Variants in GYS1 observed in about 807,000 individuals in gnomAD.
The protein encoded by GYS1 is glycogen [starch] synthase, muscle.
GYS1 carries 60 observed loss-of-function variants against 89.1 expected under a neutral mutation model. The ratio of observed to expected loss-of-function variants is 0.67; its 90% CI spans 0.55 to 0.84. GYS1 has a LOEUF of 0.84. GYS1 is among the 40% of genes least tolerant of loss of function. GYS1 has a pLI of 0.00. For missense variants in GYS1, 888 were observed against 1,003.1 expected, an observed-to-expected ratio of 0.89 and a Z score of 1.55; for synonymous variants, 366 against 401.7, an observed-to-expected ratio of 0.91 and a Z score of 1.06.
intron 5 of GYS1, 128 bp downstream of exon 5, chr19:48,985,333 A>T: frequency 1.1e-6 from 1 of 944,608 alleles, no homozygotes; most frequent in South Asian, 1.4e-5. Context: ...CACCATGCCC[A>T]GCCGAAATAC....
chr19:48,968,669 C>T lies in GYS1; in HGVS notation c.*619G>A, dbSNP rs1430836993. On this transcript the variant is annotated 3_prime_UTR_variant, in exon 16 of 16. Coordinates refer to ENST00000323798, the MANE Select transcript of GYS1 (RefSeq NM_002103.5). Reference sequence around the variant, plus strand: ...TGCTTGGCCAAAGTGTAGGGGATGACAGGAGCCGGATGGAGGGATCCTCCA... The same window carrying T: ...TGCTTGGCCAAAGTGTAGGGGATGATAGGAGCCGGATGGAGGGATCCTCCA... The T allele has an allele frequency of 2.2e-6, 1 of 454,002 alleles. No homozygotes were observed. Among genetic ancestry groups the T allele is most frequent in the Admixed American group, 2.4e-5 (1 of 42,548 alleles). 28.1% of individuals were successfully genotyped at this position (454,002 alleles called of 1,614,324 possible).
At chr19:48,989,998 T>TGGGGGGCG in intron 2 of GYS1, among the ~76,000 whole-genome samples, 1 of 49,646 alleles carries the variant, frequency 2.0e-5, no homozygotes, top group Non-Finnish European at 3.5e-5. Flanking sequence ...GCCCTTTTGC[T>TGGGGGGCG]GGGGGGGGGG....
intron 8 of GYS1, among the ~76,000 whole-genome samples, chr19:48,980,498 A>G (rs2038743144): frequency 6.6e-6 from 1 of 152,000 alleles, no homozygotes; most frequent in Non-Finnish European, 1.5e-5. Context: ...TGCTAAAAAT[A>G]TAAAAATTAG....
rs2038526450 is a variant in GYS1, at chr19:48,969,800, G to A, written c.1865C>T (p.Thr622Ile). ...ALSKAFPEHFTYEPNEADAAQ... is the reference protein window; with the variant it reads ...ALSKAFPEHFIYEPNEADAAQ... ...CGCATCCGCCTCGTTGGGCTCGTAG[G>A]TGAAGTGCTCTGGAAAGGCCTTGGA... Residue 622 changes from threonine to isoleucine, a missense_variant, in exon 15 of 16, where the codon ACC becomes ATC. Transcript: ENST00000323798. 6.2e-7 allele frequency: 1 copy of A among 1,614,042 alleles called. No individual in the cohort carries two copies. Among genetic ancestry groups the A allele is most frequent in the African/African-American group, 1.3e-5 (1 of 75,042 alleles).
chr19:48,987,253 C>A lies in GYS1; in HGVS notation c.433G>T (p.Asp145Tyr), dbSNP rs200057871. Reference protein sequence around the residue: ...DTCNIGVPWYDREANDAVLFG... With the variant: ...DTCNIGVPWYYREANDAVLFG... ...AGGACAGCGTCGTTGGCCTCGCGGT[C>A]GTACCACGGCACTCCGATGTTGCAG... The change falls in exon 3 of 16, where the codon GAC (aspartate) becomes TAC (tyrosine). Residue 145 changes from aspartate (D) to tyrosine (Y), a missense_variant. Coordinates refer to ENST00000323798, the MANE Select transcript of GYS1 (RefSeq NM_002103.5). 6.2e-7 allele frequency: 1 copy of A among 1,613,446 alleles called. No individual in the cohort carries two copies. Among genetic ancestry groups the A allele is most frequent in the Non-Finnish European group, 8.5e-7 (1 of 1,179,710 alleles).
rs535778563 is a variant in GYS1 at position 48,969,678 on chromosome 19, A to G, written c.1891-67T>C. On this transcript the variant is annotated intron_variant, in intron 15 of 15. Coordinates refer to ENST00000323798, the MANE Select transcript of GYS1 (RefSeq NM_002103.5). ...ACCTCACAGTCCCACCCAGGCATCC[A>G]GCCACCTCTAGGCCTTCCCACTCCA... The G allele has an allele frequency of 1.3e-5, 21 of 1,573,240 alleles. No homozygotes were observed. The Admixed American group carries it at 3.4e-4, about 25-fold the overall frequency.
Position 48,991,548 on chromosome 19 carries a change from G to A in GYS1, c.119-65C>T, listed in dbSNP as rs1411810565. 6.5e-7 allele frequency: 1 copy of A among 1,543,708 alleles called. No individual in the cohort carries two copies. Among genetic ancestry groups the A allele is most frequent in the Non-Finnish European group, 8.9e-7 (1 of 1,119,550 alleles). Reference sequence around the variant, plus strand: ...TCCATAGTTCTGGGGCCTGGGGTGGGGTGGGCCGGGGATGTAGGGGGCACT... The same window carrying A: ...TCCATAGTTCTGGGGCCTGGGGTGGAGTGGGCCGGGGATGTAGGGGGCACT... On this transcript the variant is annotated intron_variant, in intron 1 of 15. Transcript: ENST00000323798. This position sits in a 1 kb window ranked among gnomAD's most constrained non-coding sequence, Gnocchi z 4.7.
rs957644060 is a variant in GYS1 at position 48,969,840 on chromosome 19, G to A, written c.1825C>T (p.Arg609Cys). 3.7e-6 allele frequency: 6 copies of A among 1,613,396 alleles called. No individual in the cohort carries two copies. Among genetic ancestry groups the A allele is most frequent in the East Asian group, 2.2e-5 (1 of 44,884 alleles). ...KYLGRYYMSA[R>C]HMALSKAFPE... is the part of the protein sequence containing the mutation. ...AAGGCCTTGGACAGCGCCATGTGGC[G>A]CGCAGACATATAGTACTAGGGGAAA... Residue 609 changes from arginine to cysteine, a missense_variant, in exon 15 of 16, where the codon CGC (arginine) becomes TGC (cysteine). Arg to Cys is a radical substitution (Grantham distance 180). Coordinates refer to ENST00000323798, the MANE Select transcript of GYS1 (RefSeq NM_002103.5).
chr19:48,972,397 C>G (rs1282713924), intron 12 of GYS1, among the ~76,000 whole-genome samples: 1 of 151,814 alleles, frequency 6.6e-6, no homozygotes, highest in Non-Finnish European at 1.5e-5. Context: ...TGGTCTTGAA[C>G]TCCTGAGCTC....
intron 8 of GYS1, among the ~76,000 whole-genome samples, chr19:48,981,137 G>A (rs1209321699): frequency 4.9e-5 from 7 of 143,104 alleles, no homozygotes; most frequent in Non-Finnish European, 6.1e-5. Flanking sequence ...AAAGAGGGCC[G>A]GGTGCGGTGG....
At position 48,991,240 on chromosome 19, in the gene GYS1, TGGCTCCCACCCCGATGGCAG is replaced by T; in HGVS notation, c.300+42_300+61del. 1.9e-6 allele frequency: 3 copies of T among 1,560,232 alleles called. No individual in the cohort carries two copies. Among genetic ancestry groups the T allele is most frequent in the Non-Finnish European group, 2.6e-6 (3 of 1,136,600 alleles). ...GTCCACCCTGCACCCTCTCCGTCTG[TGGCTCCCACCCCGATGGCAG>T]GCTGTCCACCCGCTTCTGCCCTGGG... On this transcript the variant is annotated intron_variant, in intron 2 of 15. Transcript: ENST00000323798. The surrounding 1 kb of genome is among the most constrained non-coding windows in gnomAD (Gnocchi z 4.7).
intron 8 of GYS1, among the ~76,000 whole-genome samples, chr19:48,979,444 C>T (rs1451986278): frequency 7.3e-6 from 1 of 136,258 alleles, no homozygotes; most frequent in East Asian, 2.3e-4. Context: ...TCAAGAAATT[C>T]TCCTGCCTCA....
At chr19:48,992,946 A>G (rs2038962506) in intron 1 of GYS1, 49 bp downstream of exon 1, 1 of 1,079,114 alleles carries the variant, frequency 9.3e-7, no homozygotes, top group South Asian at 1.2e-5. Flanking sequence ...CCGGGCCCCC[A>G]TCCACTACTG....
chr19:48,978,179 G>A (rs1254690013), intron 8 of GYS1, 22 bp from the exon 9 acceptor site: 6 of 1,594,450 alleles, frequency 3.8e-6, no homozygotes, highest in Non-Finnish European at 5.2e-6. Context: ...AGAGCAACAG[G>A]GTCACATACA....
Position 48,977,974 on chromosome 19 carries a change from G to A in GYS1, c.1258C>T (p.Leu420=), listed in dbSNP as rs761332247. 5.6e-6 allele frequency: 9 copies of A among 1,613,800 alleles called. No individual in the cohort carries two copies. The highest frequency in any genetic ancestry group is 1.6e-4 in the Middle Eastern group (1 of 6,082). ...VGSLPDMNKM[L]DKEDFTMMKR... ...ATCATAGTGAAGTCTTCCTTATCCAGCATCTTGTTCATGTCGGGAAGGCTC... is the reference window on the plus strand; with the variant it reads ...ATCATAGTGAAGTCTTCCTTATCCAACATCTTGTTCATGTCGGGAAGGCTC... Residue 420 remains leucine (L), a synonymous_variant, in exon 10 of 16, where the codon CTG becomes TTG. Transcript: ENST00000323798.
intron 8 of GYS1, 134 bp downstream of exon 8, chr19:48,981,394 CAG>C (rs1299447400): frequency 4.3e-6 from 3 of 690,900 alleles, no homozygotes; most frequent in Non-Finnish European, 7.9e-6. Context: ...GCCTGGGCGA[CAG>C]AGTGAGACTG....
Position 48,987,265 on chromosome 19 carries a change from C to T in GYS1, c.421G>A (p.Val141Met), listed in dbSNP as rs760434988. The change falls in exon 3 of 16, where the codon GTG (valine) becomes ATG (methionine). Residue 141 changes from valine (V) to methionine (M), a missense_variant. Physicochemically the swap from Val to Met is conservative, Grantham distance 21 (BLOSUM62 1). Transcript: ENST00000323798. ...GELWDTCNIG[V>M]PWYDREANDA... Reference sequence around the variant, plus strand: ...TTGGCCTCGCGGTCGTACCACGGCACTCCGATGTTGCAGGTATCCCAGAGC... The same window carrying T: ...TTGGCCTCGCGGTCGTACCACGGCATTCCGATGTTGCAGGTATCCCAGAGC... 2 of 1,613,316 alleles carry T rather than the reference C, an allele frequency of 1.2e-6. No individual in the cohort carries two copies. The highest frequency in any genetic ancestry group is 2.2e-5 in the East Asian group (1 of 44,868).
intron 10 of GYS1, among the ~76,000 whole-genome samples, chr19:48,975,354 A>T (rs1177378370): frequency 1.3e-5 from 2 of 151,400 alleles, no homozygotes; most frequent in African/African-American, 4.9e-5. Context: ...GATTACAGAC[A>T]TGAGCCACCA....
Position 48,991,568 on chromosome 19 carries a change from G to GC in GYS1, c.119-86_119-85insG. 7.7e-6 allele frequency: 11 copies of GC among 1,429,314 alleles called. No homozygotes were observed. Among genetic ancestry groups the GC allele is most frequent in the Non-Finnish European group, 1.1e-5 (11 of 1,019,584 alleles). 88.5% of individuals were successfully genotyped at this position (1,429,314 alleles called of 1,614,324 possible). ...GGTGGGGTGGGCCGGGGATGTAGGG[G>GC]GCACTCAGGCCCCAGACCTCTAGCT... On this transcript the variant is annotated intron_variant, in intron 1 of 15. Transcript: ENST00000323798. The surrounding 1 kb of genome is among the most constrained non-coding windows in gnomAD (Gnocchi z 4.7).
Sources: gnomAD v4.1 joint callset for allele counts (sites outside exome capture counted in the v4.1 genomes callset) on GRCh38, gnomAD v4.1.1 for gene constraint, Gnocchi (gnomAD v3.1) non-coding constraint, MANE v1.5 for transcripts, NCBI Gene and HGNC (gene_info 2026-07-23, HGNC 2026-07-21) for gene names.